The following NDST1 variants were observed in gnomAD, a reference collection of about 807,000 sequenced individuals.
NDST1 encodes the protein bifunctional heparan sulfate N-deacetylase/N-sulfotransferase 1.
A neutral mutation model predicts 92.8 loss-of-function variants in NDST1; 35 were observed. The ratio of observed to expected loss-of-function variants is 0.38; its 90% CI spans 0.29 to 0.50. The LOEUF is 0.50. NDST1 is among the 20% of genes least tolerant of loss of function. The pLI is 0.94. For synonymous variants in NDST1, 493 were observed against 500.3 expected (o/e 0.99, Z 0.19); for missense variants, 822 against 1,182.7 (o/e 0.69, Z 4.47).
In NDST1 at chr5:150,553,884, TG is replaced by T. The variant is rs1300124988; in HGVS notation, c.*554del. On this transcript the variant is annotated 3_prime_UTR_variant, in exon 15 of 15. Transcript: ENST00000261797. The surrounding 1 kb of genome is among the most constrained non-coding windows in gnomAD (Gnocchi z 4.2). ...CAAGAGGACTCCCAGCCTCCACATC[TG>T]GTTCCTACCTTCACATCTCACCCTC... 1 of 428,934 alleles carries T rather than the reference TG, an allele frequency of 2.3e-6. No homozygotes were observed. The highest frequency in any genetic ancestry group is 3.3e-5 in the East Asian group (1 of 30,388). 26.6% of individuals were successfully genotyped at this position (428,934 alleles called of 1,614,324 possible).
At chr5:150,541,469 A>G (rs546559358) in intron 8 of NDST1, 101 bp from the exon 9 acceptor site, 94 of 969,748 alleles carry the variant, frequency 9.7e-5, no homozygotes, top group Middle Eastern at 2.1e-4. Context: ...GCATGTAGGT[A>G]TCATGCCCAT....
Position 150,533,060 on chromosome 5 carries a change from A to G in NDST1, c.1096+28A>G, listed in dbSNP as rs181084427. On this transcript the variant is annotated intron_variant, in intron 4 of 14. Transcript: ENST00000261797. ...AAGTGGGCCTGCCCCTGCCCTCACT[A>G]GCAACTTCCAGGACTCCTCAGCACC... 6.2e-6 allele frequency: 10 copies of G among 1,601,122 alleles called. No individual in the cohort carries two copies. In the Admixed American group the frequency reaches 6.7e-5, roughly 11 times the overall value.
chr5:150,501,370 C>T (rs1753220870), intron 1 of NDST1, among the ~76,000 whole-genome samples: 1 of 152,184 alleles, frequency 6.6e-6, no homozygotes, highest in Non-Finnish European at 1.5e-5. Flanking sequence ...GCCCAACTGT[C>T]AGGACTCAGA....
intron 3 of NDST1, among the ~76,000 whole-genome samples, chr5:150,531,223 G>A (rs2151283167): frequency 6.6e-6 from 1 of 152,268 alleles, no homozygotes; most frequent in African/African-American, 2.4e-5. Flanking sequence ...GAGTCCTTGT[G>A]CTTAGCCCTT....
At chr5:150,498,378 A>C (rs532897378) in intron 1 of NDST1, 1 of 152,296 alleles carries the variant, frequency 6.6e-6, no homozygotes, top group South Asian at 2.1e-4. Flanking sequence ...CATTTGGTAA[A>C]AGTTTGCTGT....
rs956083319 is a variant in NDST1, at chr5:150,521,857, G to A, written c.513+90G>A. 5 of 1,542,940 alleles carry A rather than the reference G, an allele frequency of 3.2e-6. No homozygotes were observed. The highest frequency in any genetic ancestry group is 1.7e-5 in the Admixed American group (1 of 59,618). On this transcript the variant is annotated intron_variant, in intron 2 of 14. Coordinates refer to ENST00000261797, the MANE Select transcript of NDST1 (RefSeq NM_001543.5). This position sits in a 1 kb window ranked among gnomAD's most constrained non-coding sequence, Gnocchi z 5.9. ...CATTTGTGAAATAGGTGTAATGGTA[G>A]CACCCGCCTCCTGGGGTTGTTGGGA...
intron 5 of NDST1, 94 bp downstream of exon 5, chr5:150,535,115 C>T (rs1754922817): frequency 2.0e-6 from 3 of 1,522,906 alleles, no homozygotes; most frequent in South Asian, 1.2e-5. Context: ...GCAGTCTGCT[C>T]TGACGGATTT....
At chr5:150,548,532 TTTATTA>T (rs376227270) in intron 12 of NDST1, 144 bp downstream of exon 12, 9 of 828,094 alleles carry the variant, frequency 1.1e-5, no homozygotes, top group East Asian at 8.1e-5. Context: ...ATAAAAAGAT[TTTATTA>T]TTATTATTAT....
intron 1 of NDST1, among the ~76,000 whole-genome samples, chr5:150,501,072 T>G (rs1753207766): frequency 6.6e-6 from 1 of 151,804 alleles, no homozygotes. Context: ...CCCTCAAACA[T>G]TCTCCATCCC....
At chr5:150,527,298 A>G (rs1303406949) in intron 2 of NDST1, among the ~76,000 whole-genome samples, 1 of 152,244 alleles carries the variant, frequency 6.6e-6, no homozygotes, top group South Asian at 2.1e-4. Context: ...GTTTCTGGTC[A>G]TGCCACAGGC....
chr5:150,505,263 C>A (rs1287146479), upstream of NDST1, among the ~76,000 whole-genome samples: 5 of 152,202 alleles, frequency 3.3e-5, no homozygotes, highest in Non-Finnish European at 5.9e-5. Flanking sequence ...CTGCTCCCGG[C>A]TGTCCACCAG....
chr5:150,536,841 C>T (rs900743278), intron 6 of NDST1, among the ~76,000 whole-genome samples: 1 of 152,256 alleles, frequency 6.6e-6, no homozygotes, highest in Non-Finnish European at 1.5e-5. Flanking sequence ...CCAGGAATTA[C>T]AGGCGTGAGC....
At chr5:150,536,276 A>G (rs927474369) in intron 6 of NDST1, among the ~76,000 whole-genome samples, 53 of 152,204 alleles carry the variant, frequency 3.5e-4, no homozygotes, top group African/African-American at 1.3e-3. Flanking sequence ...GCTTGAGCCT[A>G]GGAGTTTCAT....
At chr5:150,551,132 G>A (rs370630067) in intron 13 of NDST1, among the ~76,000 whole-genome samples, 1 of 152,102 alleles carries the variant, frequency 6.6e-6, no homozygotes, top group East Asian at 1.9e-4. Flanking sequence ...AAATTCTGAT[G>A]TCAGTATTCC....
At chr5:150,547,899 G>C (rs1258598044) in intron 11 of NDST1, among the ~76,000 whole-genome samples, 1 of 152,076 alleles carries the variant, frequency 6.6e-6, no homozygotes, top group African/African-American at 2.4e-5. Context: ...TGGCCAGCTG[G>C]TCTCGAACTC....
chr5:150,548,187 T>G, intron 11 of NDST1, 31 bp from the exon 12 acceptor site: 1 of 1,613,926 alleles, frequency 6.2e-7, no homozygotes, highest in Non-Finnish European at 8.5e-7. Context: ...GTCCTCCAAG[T>G]GGCATGCTGA....
Position 150,557,351 on chromosome 5 carries a change from G to A in NDST1, c.*4019G>A, listed in dbSNP as rs551904095. ...TATGTCTCTCTCTTTCTATTTTGGG[G>A]TCCCAGGGTTTTCATTTCCTGGAGA... On this transcript the variant is annotated 3_prime_UTR_variant, in exon 15 of 15. Coordinates refer to ENST00000261797, the MANE Select transcript of NDST1 (RefSeq NM_001543.5). This position sits in a 1 kb window ranked among gnomAD's most constrained non-coding sequence, Gnocchi z 4.7. 6.5e-6 allele frequency: 1 copy of A among 152,776 alleles called. No individual in the cohort carries two copies. The highest frequency in any genetic ancestry group is 1.9e-4 in the East Asian group (1 of 5,182). 9.5% of individuals were successfully genotyped at this position (152,776 alleles called of 1,614,324 possible). A position where few individuals can be genotyped will look rare whatever the true frequency, so the allele number is the denominator to read the frequency against.
At position 150,556,033 on chromosome 5, in the gene NDST1, TG is replaced by T. The variant is rs1057020235; in HGVS notation, c.*2707del. 4.6e-5 allele frequency: 7 copies of T among 152,406 alleles called. No individual in the cohort carries two copies. The highest frequency in any genetic ancestry group is 1.4e-4 in the African/African-American group (6 of 41,554). The allele number at this position is 152,406 out of a possible 1,614,324, so 9.4% of individuals were successfully genotyped here. On this transcript the variant is annotated 3_prime_UTR_variant, in exon 15 of 15. Coordinates refer to ENST00000261797, the MANE Select transcript of NDST1 (RefSeq NM_001543.5). ...TAGAAGGAGAGGCAGATAAGCTGCC[TG>T]GGGGGCTGTTAGCTAATGGGTACAA... is the stretch of plus-strand genomic sequence containing the variant.
chr5:150,554,334 G>GTT lies in NDST1; in HGVS notation c.*1003_*1004dup, dbSNP rs1184936239. 50 of 96,380 alleles carry GTT rather than the reference G, an allele frequency of 5.2e-4. No homozygotes were observed. The highest frequency in any genetic ancestry group is 1.9e-3 in the South Asian group (4 of 2,162). 6.0% of individuals were successfully genotyped at this position (96,380 alleles called of 1,614,324 possible). On this transcript the variant is annotated 3_prime_UTR_variant, in exon 15 of 15. Coordinates refer to ENST00000261797, the MANE Select transcript of NDST1 (RefSeq NM_001543.5). ...ACCCTGGGTGCTGGGGTCGCACTGT[G>GTT]TTATATATATATATATATATATATA...
Sources: gnomAD v4.1 joint callset for allele counts (sites outside exome capture counted in the v4.1 genomes callset) on GRCh38, gnomAD v4.1.1 for gene constraint, Gnocchi (gnomAD v3.1) non-coding constraint, MANE v1.5 for transcripts, NCBI Gene and HGNC (gene_info 2026-07-23, HGNC 2026-07-21) for gene names.